The following ARHGEF4 variants were observed in gnomAD, a reference collection of about 807,000 sequenced individuals.
The protein encoded by ARHGEF4 is Rho guanine nucleotide exchange factor 4.
A neutral mutation model predicts 162.0 loss-of-function variants in ARHGEF4; 119 were observed. That is an observed-to-expected ratio of 0.73 (90% CI 0.63 to 0.86). ARHGEF4 has a LOEUF of 0.86. Among genes scored for constraint, ARHGEF4 ranks in the 40% least tolerant of loss-of-function variants. The pLI is 0.00. For synonymous variants in ARHGEF4, 1,014 were observed against 979.9 expected, an observed-to-expected ratio of 1.03 and a Z score of -0.65; for missense variants, 2,488 against 2,456.0, an observed-to-expected ratio of 1.01 and a Z score of -0.28.
chr2:131,019,782 T>C lies in ARHGEF4; in HGVS notation c.3986-8163T>C, dbSNP rs373591724. Among the ~76,000 whole-genome samples, 570 of 152,198 alleles carry C rather than the reference T, an allele frequency of 3.7e-3. 1 individual carries two copies. The highest frequency in any genetic ancestry group is 4.2e-3 in the South Asian group (20 of 4,814). ...CTGAATAGCTGGGACTACAGGCGCC[T>C]GCCACCACGGCCGGCTAATTTTTTT... On this transcript the variant is annotated intron_variant, in intron 4 of 13. Coordinates refer to ENST00000409359, the MANE Select transcript of ARHGEF4 (RefSeq NM_001367493.1).
intron 4 of ARHGEF4, among the ~76,000 whole-genome samples, chr2:130,989,522 CACATG>C (rs1686797709): frequency 6.6e-6 from 1 of 152,152 alleles, no homozygotes; most frequent in Admixed American, 6.5e-5. Context: ...TTTAGCATTG[CACATG>C]ACTATGACTT....
In ARHGEF4 at chr2:131,046,215, C is replaced by A; in HGVS notation, c.*26C>A. 2 of 1,586,198 alleles carry A rather than the reference C, an allele frequency of 1.3e-6. No homozygotes were observed. Among genetic ancestry groups the A allele is most frequent in the South Asian group, 1.1e-5 (1 of 89,320 alleles). ...ACTGGTCCCTGCCTGACAGCACCTG[C>A]TGGGCCTTCCTGCCAGTGGCCCCCA... On this transcript the variant is annotated 3_prime_UTR_variant, in exon 14 of 14. Coordinates refer to ENST00000409359, the MANE Select transcript of ARHGEF4 (RefSeq NM_001367493.1).
At chr2:131,016,741 G>A (rs1266568929) in intron 4 of ARHGEF4, among the ~76,000 whole-genome samples, 1 of 152,230 alleles carries the variant, frequency 6.6e-6, no homozygotes, top group Non-Finnish European at 1.5e-5. Flanking sequence ...TCTGGGGACG[G>A]GTCTCAAGGA....
intron 9 of ARHGEF4, 115 bp from the exon 10 acceptor site, chr2:131,041,700 T>G (rs566133891): frequency 2.6e-5 from 36 of 1,406,468 alleles, no homozygotes; most frequent in African/African-American, 1.4e-5. Flanking sequence ...AGTGAGGATG[T>G]GGTCAAAGGG....
chr2:130,968,774 C>T (rs568599209), intron 4 of ARHGEF4, among the ~76,000 whole-genome samples: 6 of 152,062 alleles, frequency 3.9e-5, no homozygotes, highest in African/African-American at 1.2e-4. Context: ...AAAAATTAGC[C>T]GGGTGTGGTG....
intron 1 of ARHGEF4, among the ~76,000 whole-genome samples, chr2:130,865,027 A>G (rs1426359086): frequency 6.6e-6 from 1 of 152,214 alleles, no homozygotes; most frequent in Non-Finnish European, 1.5e-5. Flanking sequence ...CAAAGCCGAT[A>G]AGGTGATGCA....
chr2:130,924,083 G>A (rs537308430), intron 2 of ARHGEF4, among the ~76,000 whole-genome samples: 3 of 150,598 alleles, frequency 2.0e-5, no homozygotes, highest in East Asian at 2.0e-4. Flanking sequence ...GGGTTTCACC[G>A]TGTTAGCCAG....
chr2:130,950,510 A>G (rs184061714), intron 4 of ARHGEF4, among the ~76,000 whole-genome samples: 3 of 152,168 alleles, frequency 2.0e-5, no homozygotes, highest in Admixed American at 1.3e-4. Flanking sequence ...TGTGGCTAAC[A>G]CCCTTCATCA....
chr2:130,980,826 G>A (rs928448612), intron 4 of ARHGEF4, among the ~76,000 whole-genome samples: 11 of 152,178 alleles, frequency 7.2e-5, no homozygotes, highest in Non-Finnish European at 1.6e-4. Flanking sequence ...CTTTAAATTA[G>A]TTTGAGAGAA....
At chr2:131,027,198 G>A (rs7606538) in intron 4 of ARHGEF4, among the ~76,000 whole-genome samples, 128,000 of 152,202 alleles carry the variant, frequency 0.84, 56,418 homozygotes, top group Non-Finnish European at 0.97. Flanking sequence ...TGAAAGACTC[G>A]TACAACACAA....
chr2:130,969,499 T>C (rs1183229663), intron 4 of ARHGEF4, among the ~76,000 whole-genome samples: 1 of 151,704 alleles, frequency 6.6e-6, no homozygotes, highest in African/African-American at 2.4e-5. Flanking sequence ...CTCGGGAGGC[T>C]GAGGCAGGAG....
At chr2:130,946,275 T>A (rs1232568238) in intron 3 of ARHGEF4, among the ~76,000 whole-genome samples, 2 of 152,220 alleles carry the variant, frequency 1.3e-5, no homozygotes, top group African/African-American at 4.8e-5. Context: ...CCTGACTTCA[T>A]CCATGGAATG....
At chr2:131,016,818 A>G (rs1365773200) in intron 4 of ARHGEF4, among the ~76,000 whole-genome samples, 1 of 152,214 alleles carries the variant, frequency 6.6e-6, no homozygotes, top group Non-Finnish European at 1.5e-5. Context: ...AGAACCACTG[A>G]CTTGCAGGGC....
At chr2:131,034,730 G>A (rs891515340) in intron 5 of ARHGEF4, among the ~76,000 whole-genome samples, 4 of 152,092 alleles carry the variant, frequency 2.6e-5, no homozygotes, top group African/African-American at 9.7e-5. Context: ...ATCCCCGAGC[G>A]CCCCCGTGGC....
intron 1 of ARHGEF4, among the ~76,000 whole-genome samples, chr2:130,893,960 G>A (rs957051737): frequency 4.6e-5 from 7 of 152,222 alleles, no homozygotes; most frequent in Admixed American, 1.3e-4. Flanking sequence ...CCTATTATGC[G>A]TCTAAGGAGC....
At chr2:130,949,864 G>C (rs773169936) in intron 4 of ARHGEF4, among the ~76,000 whole-genome samples, 14 of 152,266 alleles carry the variant, frequency 9.2e-5, no homozygotes, top group South Asian at 4.1e-4. Context: ...GGCCAGGCTG[G>C]TCTCGAACTC....
chr2:130,838,702 G>A (rs1680389814), intron 1 of ARHGEF4, among the ~76,000 whole-genome samples: 1 of 152,220 alleles, frequency 6.6e-6, no homozygotes, highest in African/African-American at 2.4e-5. Flanking sequence ...TTTATGAAGT[G>A]GTGAGCCCTG....
At chr2:130,875,797 C>T (rs1678790910) in intron 1 of ARHGEF4, among the ~76,000 whole-genome samples, 1 of 152,188 alleles carries the variant, frequency 6.6e-6, no homozygotes, top group Non-Finnish European at 1.5e-5. Context: ...TTCTCTCCCT[C>T]CCGGCTCCCA....
At chr2:130,921,850 C>G (rs1296955410) in intron 2 of ARHGEF4, among the ~76,000 whole-genome samples, 1 of 151,918 alleles carries the variant, frequency 6.6e-6, no homozygotes, top group Non-Finnish European at 1.5e-5. Flanking sequence ...TGCCACCACG[C>G]TCAGCTGATT....
Sources: gnomAD v4.1 joint callset for allele counts (sites outside exome capture counted in the v4.1 genomes callset) on GRCh38, gnomAD v4.1.1 for gene constraint, MANE v1.5 for transcripts, NCBI Gene and HGNC (gene_info 2026-07-23, HGNC 2026-07-21) for gene names.